Variants in WDR33 observed in about 807,000 individuals in gnomAD.
WDR33 encodes WD repeat domain 33.
WDR33 carries 47 observed loss-of-function variants against 164.9 expected under a neutral mutation model. The observed-to-expected ratio is 0.29, with a 90% CI of 0.23 to 0.36. The LOEUF (loss-of-function observed/expected upper bound fraction) is 0.36, where lower values mean the gene tolerates loss of function less well. WDR33 is among the 10% of genes least tolerant of loss of function. WDR33 has a pLI of 1.00. For missense variants in WDR33, 1,137 were observed against 1,754.1 expected, an observed-to-expected ratio of 0.65 and a Z score of 6.28; for synonymous variants, 505 against 589.0, an observed-to-expected ratio of 0.86 and a Z score of 2.06.
intron 1 of WDR33, among the ~76,000 whole-genome samples, chr2:127,807,136 C>T (rs531321769): frequency 6.6e-6 from 1 of 152,272 alleles, no homozygotes; most frequent in African/African-American, 2.4e-5. Context: ...TCCCAAGTAG[C>T]TGGGATTACA....
At chr2:127,733,322 G>A (rs1686757235) in intron 7 of WDR33, among the ~76,000 whole-genome samples, 1 of 152,212 alleles carries the variant, frequency 6.6e-6, no homozygotes, top group African/African-American at 2.4e-5. Flanking sequence ...GGTAGACTGT[G>A]GTGGACATGC....
Position 127,706,456 on chromosome 2 carries a change from G to A in WDR33, c.3878C>T (p.Pro1293Leu), listed in dbSNP as rs1222744803. The A allele has an allele frequency of 6.2e-7, 1 of 1,613,374 alleles. No individual in the cohort carries two copies. Among genetic ancestry groups the A allele is most frequent in the Non-Finnish European group, 8.5e-7 (1 of 1,179,710 alleles). ...GCCACTGCCTGGAGGGCCCCCAAAA[G>A]GTTCATCTCTGTGGTATCCATCGTG... ...EHHDGYHRDE[P>L]FGGPPGSGTP... Residue 1293 changes from proline (P) to leucine (L), a missense_variant, in exon 22 of 22, where the codon CCT (proline) becomes CTT (leucine). By Grantham distance (98) the Pro-to-Leu change is moderately conservative. Coordinates refer to ENST00000322313, the MANE Select transcript of WDR33 (RefSeq NM_018383.5). The surrounding 1 kb of genome is among the most constrained non-coding windows in gnomAD (Gnocchi z 5.1).
rs6744355 is a variant in WDR33, at chr2:127,708,082, T to C, written c.3781+595A>G. Among the ~76,000 whole-genome samples the C allele has an allele frequency of 2.8e-4, 42 of 152,152 alleles. No homozygotes were observed. The highest frequency in any genetic ancestry group is 5.1e-4 in the Non-Finnish European group (35 of 68,026). The stretch of plus-strand genomic sequence containing the variant: ...AGAAGCTTCCGAGCCACACCACCTA[T>C]GCACCTCCCCCGCTGCCTTGCAACC... On this transcript the variant is annotated intron_variant, in intron 21 of 21. Transcript: ENST00000322313. The surrounding 1 kb of genome is among the most constrained non-coding windows in gnomAD (Gnocchi z 6.7).
chr2:127,720,724 C>T lies in WDR33; in HGVS notation c.1672-371G>A, dbSNP rs1333585588. Among the ~76,000 whole-genome samples, 1 of 152,126 alleles carries T rather than the reference C, an allele frequency of 6.6e-6. No homozygotes were observed. Among genetic ancestry groups the T allele is most frequent in the Non-Finnish European group, 1.5e-5 (1 of 68,024 alleles). ...GGACTACAGGCACATGCCACCACACCCAGCTAATTATTATTTGTAGAGACA... is the reference window on the plus strand; with the variant it reads ...GGACTACAGGCACATGCCACCACACTCAGCTAATTATTATTTGTAGAGACA... On this transcript the variant is annotated intron_variant, in intron 15 of 21. Transcript: ENST00000322313. The surrounding 1 kb of genome is among the most constrained non-coding windows in gnomAD (Gnocchi z 5.9).
chr2:127,705,084 GAAA>G lies in WDR33; in HGVS notation c.*1236_*1238del, dbSNP rs1289338021. ...GCAAGACTCTGTCAAAAAAGGAAAA[GAAA>G]AAAAGAAACTTCCAGCACCACTAAA... On this transcript the variant is annotated 3_prime_UTR_variant, in exon 22 of 22. Transcript: ENST00000322313. This position sits in a 1 kb window ranked among gnomAD's most constrained non-coding sequence, Gnocchi z 4.5. 6.0e-6 allele frequency: 1 copy of G among 166,374 alleles called. No individual in the cohort carries two copies. The highest frequency in any genetic ancestry group is 1.5e-5 in the Non-Finnish European group (1 of 67,992). The allele number at this position is 166,374 out of a possible 1,614,324, so 10.3% of individuals were successfully genotyped here.
intron 7 of WDR33, among the ~76,000 whole-genome samples, chr2:127,728,051 G>C (rs1416442313): frequency 6.6e-6 from 1 of 152,202 alleles, no homozygotes; most frequent in Non-Finnish European, 1.5e-5. Flanking sequence ...CAGTTTGGCT[G>C]TATGTATCAA....
Position 127,708,840 on chromosome 2 carries a change from G to T in WDR33, c.3618C>A (p.His1206Gln), listed in dbSNP as rs143968708. The change falls in exon 21 of 22, where the codon CAC (histidine) becomes CAA (glutamine). Residue 1206 changes from histidine to glutamine, a missense_variant. Coordinates refer to ENST00000322313, the MANE Select transcript of WDR33 (RefSeq NM_018383.5). This position sits in a 1 kb window ranked among gnomAD's most constrained non-coding sequence, Gnocchi z 6.7. ...CTCTGCTGGCTGGGGAATGACCGTC[G>T]TGAGGGGGATGATCAGGGCGGGGAG... is the stretch of plus-strand genomic sequence containing the variant. ...RDTPRPDHPP[H>Q]DGHSPASRER... 10 of 1,610,898 alleles carry T rather than the reference G, an allele frequency of 6.2e-6. No homozygotes were observed. The highest frequency in any genetic ancestry group is 8.5e-6 in the Non-Finnish European group (10 of 1,178,042).
rs995434836 is a variant in WDR33, at chr2:127,726,494, A to C, written c.851+157T>G. Reference sequence around the variant, plus strand: ...TACTTCATTAAGAGTTCAGAGATGAATCATATTTAATTCATAAGAAGTCTA... The same window carrying C: ...TACTTCATTAAGAGTTCAGAGATGACTCATATTTAATTCATAAGAAGTCTA... On this transcript the variant is annotated intron_variant, in intron 8 of 21. Transcript: ENST00000322313. The surrounding 1 kb of genome is among the most constrained non-coding windows in gnomAD (Gnocchi z 4.8). Among the ~76,000 whole-genome samples, 3 of 152,228 alleles carry C rather than the reference A, an allele frequency of 2.0e-5. 1 individual carries two copies. The highest frequency in any genetic ancestry group is 4.1e-4 in the South Asian group (2 of 4,836).
At chr2:127,772,436 T>A (rs1167147607) in intron 1 of WDR33, among the ~76,000 whole-genome samples, 1 of 148,818 alleles carries the variant, frequency 6.7e-6, no homozygotes, top group Non-Finnish European at 1.5e-5. Context: ...AAGACTGTCT[T>A]AAAAAAAAAA....
rs1052444445 is a variant in WDR33 at position 127,708,678 on chromosome 2, T to G, written c.3780A>C (p.Lys1260Asn). The G allele has an allele frequency of 1.9e-6, 3 of 1,599,842 alleles. No individual in the cohort carries two copies. The highest frequency in any genetic ancestry group is 2.6e-6 in the Non-Finnish European group (3 of 1,171,936). ...PGGPSEDRGG[K>N]GRGGPGPAQR... ...CCATAACCACTGGCCTGCTCTTACC[T>G]TTGCCTCCTCGGTCTTCAGAAGGGC... Residue 1260 changes from lysine to asparagine, a missense_variant and splice_region_variant, in exon 21 of 22, where the codon AAA becomes AAC. Physicochemically the swap from Lys to Asn is moderately conservative, Grantham distance 94. Coordinates refer to ENST00000322313, the MANE Select transcript of WDR33 (RefSeq NM_018383.5). The surrounding 1 kb of genome is among the most constrained non-coding windows in gnomAD (Gnocchi z 6.7).
chr2:127,736,645 T>C, intron 7 of WDR33: 1 of 985,422 alleles, frequency 1.0e-6, no homozygotes, highest in Non-Finnish European at 1.2e-6. Context: ...AAAGAAACTG[T>C]CAAATAGGTT....
chr2:127,792,938 T>C (rs565291646), intron 1 of WDR33, among the ~76,000 whole-genome samples: 1 of 152,192 alleles, frequency 6.6e-6, no homozygotes, highest in South Asian at 2.1e-4. Context: ...TGGTATACTA[T>C]AAACACACTC....
Position 127,797,740 on chromosome 2 carries a change from G to A in WDR33, c.-24+13272C>T, listed in dbSNP as rs368610332. On this transcript the variant is annotated intron_variant, in intron 1 of 21. Coordinates refer to ENST00000322313, the MANE Select transcript of WDR33 (RefSeq NM_018383.5). Reference sequence around the variant, plus strand: ...GATCACAAGCCAACAGGCCAGGCACGGTGGTTCAAGCCTGTAATCCCAACA... The same window carrying A: ...GATCACAAGCCAACAGGCCAGGCACAGTGGTTCAAGCCTGTAATCCCAACA... Among the ~76,000 whole-genome samples, 47 of 152,220 alleles carry A rather than the reference G, an allele frequency of 3.1e-4. No homozygotes were observed. In the South Asian group the frequency reaches 7.7e-3, roughly 25 times the overall value.
chr2:127,725,241 T>C, intron 8 of WDR33, 26 bp from the exon 9 acceptor site: 1 of 1,569,596 alleles, frequency 6.4e-7, no homozygotes, highest in Non-Finnish European at 8.6e-7. Context: ...CAAAAAAAAA[T>C]GTCAGAATTC....
intron 4 of WDR33, among the ~76,000 whole-genome samples, chr2:127,767,468 C>CT (rs1404459291): frequency 1.3e-5 from 2 of 152,066 alleles, no homozygotes; most frequent in Non-Finnish European, 2.9e-5. Flanking sequence ...AATCCCAGCA[C>CT]TTTGGGAGGC....
In WDR33 at chr2:127,720,101, G is replaced by C. The variant is rs1233196775; in HGVS notation, c.1924C>G (p.Leu642Val). Residue 642 changes from leucine to valine, a missense_variant, in exon 16 of 22, where the codon CTG (leucine) becomes GTG (valine). Transcript: ENST00000322313. The surrounding 1 kb of genome is among the most constrained non-coding windows in gnomAD (Gnocchi z 5.9). ...TGTGGCCCCCCACCTCCCTGATGCA[G>C]TGGAGGACCTTGTGGTCCCATTTGT... ...QGQMGPQGPP[L>V]HQGGGGPQGF... 6.2e-7 allele frequency: 1 copy of C among 1,614,152 alleles called. No individual in the cohort carries two copies. Among genetic ancestry groups the C allele is most frequent in the East Asian group, 2.2e-5 (1 of 44,874 alleles).
Position 127,701,864 on chromosome 2 carries a change from G to C in WDR33, c.*4459C>G. The C allele has an allele frequency of 6.8e-7, 1 of 1,460,786 alleles. No individual in the cohort carries two copies. The highest frequency in any genetic ancestry group is 9.0e-7 in the Non-Finnish European group (1 of 1,111,790). 90.5% of individuals were successfully genotyped at this position (1,460,786 alleles called of 1,614,324 possible). On this transcript the variant is annotated 3_prime_UTR_variant, in exon 22 of 22. Coordinates refer to ENST00000322313, the MANE Select transcript of WDR33 (RefSeq NM_018383.5). Reference sequence around the variant, plus strand: ...GCGCGCGCAAGTTCGCGCTGCTCTGGTCACTGGGCTCGGCGCTGGCGTTGG... The same window carrying C: ...GCGCGCGCAAGTTCGCGCTGCTCTGCTCACTGGGCTCGGCGCTGGCGTTGG...
chr2:127,768,754 T>C (rs1198382961), intron 3 of WDR33, among the ~76,000 whole-genome samples, 179 bp downstream of exon 3: 16 of 152,156 alleles, frequency 1.1e-4, no homozygotes, highest in Non-Finnish European at 2.4e-4. Context: ...AAAATCTAAA[T>C]TGAGACAAAC....
At position 127,755,369 on chromosome 2, in the gene WDR33, C is replaced by T. The variant is rs13424908; in HGVS notation, c.724+7693G>A. ...TACTTGTCTCACAGGTAACAAACAT[C>T]CAGGGAAAACTTACTTTGGGAATGA... On this transcript the variant is annotated intron_variant, in intron 7 of 21. Coordinates refer to ENST00000322313, the MANE Select transcript of WDR33 (RefSeq NM_018383.5). 7.0e-3 allele frequency among the ~76,000 whole-genome samples: 1,065 copies of T among 152,256 alleles called. 9 individuals carry two copies. Among genetic ancestry groups the T allele is most frequent in the African/African-American group, 0.024 (1,013 of 41,548 alleles).
Sources: gnomAD v4.1 joint callset for allele counts (sites outside exome capture counted in the v4.1 genomes callset) on GRCh38, gnomAD v4.1.1 for gene constraint, Gnocchi (gnomAD v3.1) non-coding constraint, MANE v1.5 for transcripts, NCBI Gene and HGNC (gene_info 2026-07-23, HGNC 2026-07-21) for gene names.